PTPRA: variants seen among roughly 807,000 people sequenced by gnomAD.
The protein encoded by PTPRA is protein tyrosine phosphatase receptor type A.
PTPRA carries 25 observed loss-of-function variants against 104.8 expected under a neutral mutation model. The ratio of observed to expected loss-of-function variants is 0.24; its 90% CI spans 0.17 to 0.33. The LOEUF (loss-of-function observed/expected upper bound fraction) is 0.33, where lower values mean the gene tolerates loss of function less well. Among genes scored for constraint, PTPRA ranks in the 10% least tolerant of loss-of-function variants. The probability of loss-of-function intolerance (pLI) is 1.00; values close to 1 mark genes in which losing one functional copy is unlikely to be tolerated. For missense variants in PTPRA, 765 were observed against 1,015.3 expected (o/e 0.75, Z 3.35); for synonymous variants, 323 against 368.9 (o/e 0.88, Z 1.43).
At chr20:3,007,572 GGTCA>G (rs1475731132) in intron 11 of PTPRA, 152 bp downstream of exon 11, 16 of 746,274 alleles carry the variant, frequency 2.1e-5, no homozygotes, top group East Asian at 1.6e-4. Flanking sequence ...TTTTTTTTAA[GGTCA>G]GTCAAATAGT....
At chr20:2,924,268 GGCT>G (rs1185278445) in intron 2 of PTPRA, among the ~76,000 whole-genome samples, 3 of 152,146 alleles carry the variant, frequency 2.0e-5, no homozygotes, top group African/African-American at 4.8e-5. Flanking sequence ...TGAGTGTGGT[GGCT>G]CACGCCTGTA....
rs563838108 is a variant in PTPRA, at chr20:2,999,134, G to A, written c.739-5922G>A. ...CTTTTAAAAGGTGCCAATTACAATAGCATCCAAATGTAAAGTACCTAGGAA... is the reference window on the plus strand; with the variant it reads ...CTTTTAAAAGGTGCCAATTACAATAACATCCAAATGTAAAGTACCTAGGAA... On this transcript the variant is annotated intron_variant, in intron 9 of 23. Transcript: ENST00000399903. Among the ~76,000 whole-genome samples, 11 of 152,084 alleles carry A rather than the reference G, an allele frequency of 7.2e-5. No homozygotes were observed. The South Asian group carries it at 2.1e-3, about 29-fold the overall frequency.
At chr20:2,904,464 A>G (rs1022832046) in intron 1 of PTPRA, among the ~76,000 whole-genome samples, 1 of 151,872 alleles carries the variant, frequency 6.6e-6, no homozygotes, top group Non-Finnish European at 1.5e-5. Flanking sequence ...AGGTCAGGAG[A>G]TCGAGACCAT....
chr20:2,954,324 C>T (rs2061460847), intron 3 of PTPRA, among the ~76,000 whole-genome samples: 1 of 152,072 alleles, frequency 6.6e-6, no homozygotes, highest in Non-Finnish European at 1.5e-5. Context: ...GGTGATCCAC[C>T]CACCTTGACC....
chr20:2,929,696 A>G (rs968364874), intron 2 of PTPRA, among the ~76,000 whole-genome samples: 7 of 152,110 alleles, frequency 4.6e-5, no homozygotes, highest in African/African-American at 1.7e-4. Flanking sequence ...GTGGTAGTAC[A>G]TGCCCGTGGT....
rs752314827 is a variant in PTPRA at position 2,975,290 on chromosome 20, A to G, written c.442+49A>G. On this transcript the variant is annotated intron_variant, in intron 6 of 23. Coordinates refer to ENST00000399903, the MANE Select transcript of PTPRA (RefSeq NM_001385305.1). ...TTGTTCCTTTTACACAGTGTACAGTATTCATTTATTTCCTCTGCTCACAGT... is the reference window on the plus strand; with the variant it reads ...TTGTTCCTTTTACACAGTGTACAGTGTTCATTTATTTCCTCTGCTCACAGT... 1.9e-5 allele frequency: 28 copies of G among 1,471,810 alleles called. No homozygotes were observed. In the South Asian group the frequency reaches 3.1e-4, roughly 16 times the overall value. 91.2% of individuals were successfully genotyped at this position (1,471,810 alleles called of 1,614,324 possible). A position where few individuals can be genotyped will look rare whatever the true frequency, so the allele number is the denominator to read the frequency against.
intron 9 of PTPRA, among the ~76,000 whole-genome samples, chr20:2,993,039 G>A (rs2063251061): frequency 6.6e-6 from 1 of 152,194 alleles, no homozygotes; most frequent in African/African-American, 2.4e-5. Context: ...AGCTGTGATT[G>A]CACCACTGCA....
In PTPRA at chr20:3,027,153, C is replaced by T. The variant is rs773634271; in HGVS notation, c.1741C>T (p.Arg581Trp). 13 of 1,613,982 alleles carry T rather than the reference C, an allele frequency of 8.1e-6. No homozygotes were observed. Among genetic ancestry groups the T allele is most frequent in the East Asian group, 4.5e-5 (2 of 44,890 alleles). ...EFNRVIIPVKRGEENTDYVNA... is the reference protein window; with the variant it reads ...EFNRVIIPVKWGEENTDYVNA... ...CAACAGAGTGATCATTCCAGTTAAG[C>T]GGGGCGAAGAGAATACAGACTATGT... Residue 581 changes from arginine to tryptophan, a missense_variant, in exon 19 of 24, where the codon CGG (arginine) becomes TGG (tryptophan). Around this residue, in one of 4 missense-constraint regions of PTPRA, gnomAD observed 192 missense variants for 227.0 expected, o/e 0.85. Coordinates refer to ENST00000399903, the MANE Select transcript of PTPRA (RefSeq NM_001385305.1).
rs770728536 is a variant in PTPRA at position 3,033,079 on chromosome 20, G to A, written c.1921-2506G>A. Reference sequence around the variant, plus strand: ...ACATTGGAGTATACTAGACTCGGGCGCTAGCCCACTCTGTTTTCTTTTGAC... The same window carrying A: ...ACATTGGAGTATACTAGACTCGGGCACTAGCCCACTCTGTTTTCTTTTGAC... On this transcript the variant is annotated intron_variant, in intron 20 of 23. Transcript: ENST00000399903. Among the ~76,000 whole-genome samples, 7 of 151,796 alleles carry A rather than the reference G, an allele frequency of 4.6e-5. 1 individual carries two copies. Among genetic ancestry groups the A allele is most frequent in the East Asian group, 1.9e-4 (1 of 5,184 alleles).
chr20:2,918,536 T>C, intron 1 of PTPRA, among the ~76,000 whole-genome samples: 1 of 152,238 alleles, frequency 6.6e-6, no homozygotes, highest in East Asian at 1.9e-4. Flanking sequence ...CTGTTTGATT[T>C]GTGGACAAGG....
rs139757064 is a variant in PTPRA, at chr20:2,948,601, G to A, written c.-7+577G>A. Among the ~76,000 whole-genome samples the A allele has an allele frequency of 1.1e-4, 16 of 152,184 alleles. No homozygotes were observed. The East Asian group carries it at 2.9e-3, about 28-fold the overall frequency. On this transcript the variant is annotated intron_variant, in intron 3 of 23. Transcript: ENST00000399903. ...CTCACCTGGGCCCTCAGGACTGCTG[G>A]GCTGCCTGGTGTCAGCACTTCCCGC...
At chr20:3,020,664 G>T (rs924359071) in intron 13 of PTPRA, among the ~76,000 whole-genome samples, 1 of 152,242 alleles carries the variant, frequency 6.6e-6, no homozygotes, top group African/African-American at 2.4e-5. Context: ...GGGTCCTGGG[G>T]TCGAGCCCCA....
At chr20:2,968,509 T>TC (rs58489298) in intron 5 of PTPRA, among the ~76,000 whole-genome samples, 1 of 151,530 alleles carries the variant, frequency 6.6e-6, no homozygotes, top group Non-Finnish European at 1.5e-5. Context: ...TTTTTTTTTT[T>TC]CTCAAATTCT....
At chr20:2,945,682 A>C (rs1011567628) in intron 2 of PTPRA, among the ~76,000 whole-genome samples, 1 of 151,846 alleles carries the variant, frequency 6.6e-6, no homozygotes, top group Non-Finnish European at 1.5e-5. Flanking sequence ...TAATCCCAGC[A>C]CTTTATGAAG....
chr20:2,942,850 A>AC (rs1219567306), intron 2 of PTPRA, among the ~76,000 whole-genome samples: 1 of 151,856 alleles, frequency 6.6e-6, no homozygotes, highest in African/African-American at 2.4e-5. Flanking sequence ...ATATTCCAAG[A>AC]CCCCCAGTGG....
chr20:2,967,971 T>G (rs531227680), intron 5 of PTPRA, among the ~76,000 whole-genome samples: 1 of 152,302 alleles, frequency 6.6e-6, no homozygotes, highest in South Asian at 2.1e-4. Context: ...CTCTAGAAAT[T>G]CCTCCTGAGC....
At chr20:2,914,020 CTT>C (rs1231584879) in intron 1 of PTPRA, among the ~76,000 whole-genome samples, 6 of 152,124 alleles carry the variant, frequency 3.9e-5, no homozygotes, top group Non-Finnish European at 8.8e-5. Flanking sequence ...ATTTATTTAA[CTT>C]ATATCAATAT....
chr20:2,866,319 C>T, the PTPRA span: 22 of 1,614,076 alleles, frequency 1.4e-5, no homozygotes, highest in South Asian at 4.4e-5. Context: ...TTGTTGGGTG[C>T]GTCAACTGAG....
At chr20:3,017,706 TG>T in intron 12 of PTPRA, 109 bp from the exon 13 acceptor site, 2 of 826,146 alleles carry the variant, frequency 2.4e-6, no homozygotes, top group Non-Finnish European at 4.1e-6. Flanking sequence ...GATATTTAGC[TG>T]GGGACATTTG....
Sources: gnomAD v4.1 joint callset for allele counts (sites outside exome capture counted in the v4.1 genomes callset) on GRCh38, gnomAD v4.1.1 for gene constraint, gnomAD v4.1.1 regional missense constraint, MANE v1.5 for transcripts, NCBI Gene and HGNC (gene_info 2026-07-23, HGNC 2026-07-21) for gene names.